Variants in NEK11 observed in about 807,000 individuals in gnomAD.
NEK11 encodes NIMA related kinase 11.
NEK11 carries 72 observed loss-of-function variants against 80.7 expected under a neutral mutation model. The observed-to-expected ratio is 0.89, with a 90% CI of 0.74 to 1.08. The LOEUF (loss-of-function observed/expected upper bound fraction) is 1.08. Among genes scored for constraint, NEK11 ranks in the 50% least tolerant of loss-of-function variants. The probability of loss-of-function intolerance (pLI) is 0.00; values close to 1 mark genes in which losing one functional copy is unlikely to be tolerated. For missense variants in NEK11, 764 were observed against 763.6 expected (o/e 1.00, Z -0.01); for synonymous variants, 251 against 260.7 (o/e 0.96, Z 0.36).
chr3:131,298,868 T>A (rs1290227644), intron 17 of NEK11, among the ~76,000 whole-genome samples: 1 of 152,102 alleles, frequency 6.6e-6, no homozygotes, highest in Admixed American at 6.5e-5. Context: ...CCTTCTAGTA[T>A]TTTTCATGCA....
chr3:131,232,440 A>C (rs2095348021), intron 15 of NEK11, among the ~76,000 whole-genome samples: 1 of 152,226 alleles, frequency 6.6e-6, no homozygotes, highest in Non-Finnish European at 1.5e-5. Context: ...GACAATAATG[A>C]CTCGACACAA....
intron 7 of NEK11, among the ~76,000 whole-genome samples, chr3:131,142,702 A>G (rs1241835807): frequency 1.3e-5 from 2 of 152,184 alleles, no homozygotes; most frequent in African/African-American, 4.8e-5. Flanking sequence ...CCTTAAGAAT[A>G]GCTAAAGATG....
At chr3:131,235,009 GAA>G (rs1048334654) in intron 15 of NEK11, among the ~76,000 whole-genome samples, 1 of 152,018 alleles carries the variant, frequency 6.6e-6, no homozygotes, top group African/African-American at 2.4e-5. Flanking sequence ...GCAATAGGGT[GAA>G]AAAAGGGCAA....
At position 131,168,936 on chromosome 3, in the gene NEK11, A is replaced by G; in HGVS notation, c.1283A>G (p.Glu428Gly). 3.7e-6 allele frequency: 6 copies of G among 1,612,318 alleles called. No homozygotes were observed. The highest frequency in any genetic ancestry group is 5.1e-6 in the Non-Finnish European group (6 of 1,178,574). ...EDEERWQGRE[E>G]ESDEPTLENL... ...GAAGAGAGGTGGCAAGGCAGGGAAG[A>G]GGCAAGTTTAATCATATTCACAAGC... Residue 428 changes from glutamate (E) to glycine (G), a missense_variant and splice_region_variant, in exon 13 of 18, where the codon GAG (glutamate) becomes GGG (glycine). By Grantham distance (98) the Glu-to-Gly change is moderately conservative. Transcript: ENST00000383366.
At chr3:131,143,044 A>G (rs1304299262) in intron 7 of NEK11, among the ~76,000 whole-genome samples, 2 of 152,190 alleles carry the variant, frequency 1.3e-5, no homozygotes, top group African/African-American at 4.8e-5. Context: ...TTCTTTTTAA[A>G]TATTCTTTAA....
chr3:131,205,383 G>A (rs1254374143), intron 14 of NEK11, among the ~76,000 whole-genome samples: 1 of 152,082 alleles, frequency 6.6e-6, no homozygotes. Context: ...CTGATTAGAG[G>A]AACCACAAAC....
intron 3 of NEK11, among the ~76,000 whole-genome samples, chr3:131,075,226 T>A (rs978157426): frequency 2.3e-4 from 35 of 152,186 alleles, no homozygotes; most frequent in Admixed American, 7.9e-4. Flanking sequence ...GGTTTAATTG[T>A]TAAAAAACAA....
intron 14 of NEK11, among the ~76,000 whole-genome samples, chr3:131,225,152 T>C (rs1051156535): frequency 5.3e-5 from 8 of 152,222 alleles, no homozygotes; most frequent in Non-Finnish European, 1.5e-5. Context: ...CCTGTACAGA[T>C]GTGCCATTTA....
chr3:131,337,664 A>T (rs72993131), intron 17 of NEK11, among the ~76,000 whole-genome samples: 23,355 of 151,796 alleles, frequency 0.15, 1,992 homozygotes, highest in South Asian at 0.23. Flanking sequence ...TAAAAATAAA[A>T]ATCAGCTTAG....
intron 17 of NEK11, among the ~76,000 whole-genome samples, chr3:131,280,352 T>C (rs1363706446): frequency 6.6e-6 from 1 of 151,540 alleles, no homozygotes; most frequent in Non-Finnish European, 1.5e-5. Context: ...GTCCCACAGC[T>C]TACTGGTGCT....
chr3:131,208,344 C>A (rs903416340), intron 14 of NEK11, among the ~76,000 whole-genome samples: 3 of 152,136 alleles, frequency 2.0e-5, no homozygotes, highest in African/African-American at 4.8e-5. Flanking sequence ...GGTGCCAGTA[C>A]CATGCTGTTT....
intron 16 of NEK11, among the ~76,000 whole-genome samples, chr3:131,264,090 T>C (rs1406874405): frequency 6.6e-6 from 1 of 152,248 alleles, no homozygotes; most frequent in African/African-American, 2.4e-5. Context: ...TTTGTTTAAG[T>C]TCTTTGTAGA....
At chr3:131,227,442 G>A (rs1358314462) in intron 14 of NEK11, among the ~76,000 whole-genome samples, 1 of 152,004 alleles carries the variant, frequency 6.6e-6, no homozygotes, top group Non-Finnish European at 1.5e-5. Context: ...TTACACTTAT[G>A]TTAATTTTAT....
chr3:131,216,435 G>A (rs1387551289), intron 14 of NEK11, among the ~76,000 whole-genome samples: 1 of 152,254 alleles, frequency 6.6e-6, no homozygotes, highest in Non-Finnish European at 1.5e-5. Context: ...CACATGGTGA[G>A]TGCATTAGGC....
intron 14 of NEK11, 99 bp from the exon 15 acceptor site, chr3:131,228,429 A>G (rs3737999): frequency 0.1 from 111,634 of 1,087,572 alleles, 13,880 homozygotes; most frequent in African/African-American, 0.54. Context: ...AGCTTTGTCA[A>G]CGCAAGCAAA....
intron 4 of NEK11, among the ~76,000 whole-genome samples, chr3:131,096,107 T>G (rs915222620): frequency 2.0e-5 from 3 of 152,060 alleles, no homozygotes; most frequent in Admixed American, 6.6e-5. Context: ...ATCTGTAGGT[T>G]TGTTACATGG....
intron 17 of NEK11, among the ~76,000 whole-genome samples, chr3:131,337,966 G>A (rs931333346): frequency 6.6e-6 from 1 of 150,656 alleles, no homozygotes; most frequent in South Asian, 2.1e-4. Flanking sequence ...TTTTTGAAAC[G>A]GAGTCTTGCT....
chr3:131,226,697 G>T (rs945685935), intron 14 of NEK11, among the ~76,000 whole-genome samples: 3 of 152,130 alleles, frequency 2.0e-5, no homozygotes, highest in African/African-American at 7.2e-5. Flanking sequence ...GTGGGAGGGA[G>T]GTAAGGGATA....
chr3:131,282,883 C>T (rs759246780), intron 17 of NEK11, among the ~76,000 whole-genome samples: 4 of 152,122 alleles, frequency 2.6e-5, no homozygotes, highest in Admixed American at 6.5e-5. Flanking sequence ...AGTTTATAAT[C>T]GTACCAGCTC....
Sources: gnomAD v4.1 joint callset for allele counts (sites outside exome capture counted in the v4.1 genomes callset) on GRCh38, gnomAD v4.1.1 for gene constraint, MANE v1.5 for transcripts, NCBI Gene and HGNC (gene_info 2026-07-23, HGNC 2026-07-21) for gene names.